The following RIPK2 variants were observed in gnomAD, a reference collection of about 807,000 sequenced individuals.
The protein encoded by RIPK2 is receptor-interacting serine/threonine-protein kinase 2.
A neutral mutation model predicts 60.9 loss-of-function variants in RIPK2; 38 were observed. That is an observed-to-expected ratio of 0.62 (90% confidence interval 0.48 to 0.82). RIPK2 has a LOEUF of 0.82. RIPK2 is among the 40% of genes least tolerant of loss of function. RIPK2 has a pLI of 0.00. For missense variants in RIPK2, 518 were observed against 647.0 expected (o/e 0.80, Z 2.16); for synonymous variants, 225 against 223.4 (o/e 1.01, Z -0.06).
chr8:89,786,544 G>A, intron 8 of RIPK2, 49 bp from the exon 9 acceptor site: 1 of 1,017,796 alleles, frequency 9.8e-7, no homozygotes, highest in South Asian at 1.4e-5. Flanking sequence ...AGAAATTAAA[G>A]CTCGATAATT....
intron 3 of RIPK2, among the ~76,000 whole-genome samples, chr8:89,768,918 A>G (rs998512593): frequency 6.6e-6 from 1 of 151,800 alleles, no homozygotes; most frequent in Admixed American, 6.6e-5. Context: ...GCTGAATTCT[A>G]AAGTATGCAG....
At chr8:89,781,846 C>A (rs184298771) in intron 7 of RIPK2, among the ~76,000 whole-genome samples, 1 of 152,118 alleles carries the variant, frequency 6.6e-6, no homozygotes, top group Non-Finnish European at 1.5e-5. Flanking sequence ...AATATATTAA[C>A]AATAACCGAT....
chr8:89,765,480 A>G lies in RIPK2; in HGVS notation c.467A>G (p.Asn156Ser). 1 of 1,577,448 alleles carries G rather than the reference A, an allele frequency of 6.3e-7. No individual in the cohort carries two copies. The highest frequency in any genetic ancestry group is 1.1e-5 in the South Asian group (1 of 88,924). Residue 156 changes from asparagine (N) to serine (S), a missense_variant, in exon 3 of 11, where the codon AAT becomes AGT. By Grantham distance (46) the Asn-to-Ser change is conservative. Transcript: ENST00000220751. Reference protein sequence around the residue: ...DLKTQNILLDNEFHVKIADFG... With the variant: ...DLKTQNILLDSEFHVKIADFG... ...AAGACTCAGAATATCTTATTGGACA[A>G]TGAATTTCATGTTAAGGTAATTACT...
intron 9 of RIPK2, 100 bp downstream of exon 9, chr8:89,786,786 G>T: frequency 1.4e-6 from 1 of 720,610 alleles, no homozygotes; most frequent in Non-Finnish European, 2.5e-6. Context: ...ACTTTAATTT[G>T]CATATATAAC....
At chr8:89,770,619 A>C (rs986901744) in intron 4 of RIPK2, among the ~76,000 whole-genome samples, 1 of 151,794 alleles carries the variant, frequency 6.6e-6, no homozygotes, top group Non-Finnish European at 1.5e-5. Context: ...CAGACTCTCT[A>C]AGTTTGCTCT....
intron 7 of RIPK2, among the ~76,000 whole-genome samples, chr8:89,781,395 C>T (rs1193622171): frequency 3.7e-5 from 5 of 134,750 alleles, no homozygotes; most frequent in African/African-American, 1.7e-4. Context: ...AAGACAGGGT[C>T]TCCCTCTGTC....
Position 89,780,086 on chromosome 8 carries a change from GAACTT to G in RIPK2, c.866_870del (p.Glu289GlyfsTer8). The G allele has an allele frequency of 6.5e-7, 1 of 1,532,952 alleles. No homozygotes were observed. The highest frequency in any genetic ancestry group is 8.9e-7 in the Non-Finnish European group (1 of 1,119,960). The allele number at this position is 1,532,952 out of a possible 1,614,324, so 95.0% of individuals were successfully genotyped here. A position where few individuals can be genotyped will look rare whatever the true frequency, so the allele number is the denominator to read the frequency against. On this transcript the variant is annotated frameshift_variant, in exon 7 of 11. Transcript: ENST00000220751. LOFTEE classifies it high-confidence loss of function. ...TTTCTCTTATGTAGAATGTTTAATA[GAACTT>G]GAACCAGTTTTGAGAACATTTGAAG... is the stretch of plus-strand genomic sequence containing the variant.
chr8:89,772,924 A>T (rs765140226), intron 6 of RIPK2, 96 bp downstream of exon 6: 32 of 739,056 alleles, frequency 4.3e-5, no homozygotes, highest in Non-Finnish European at 5.4e-5. Context: ...AAATTAGATG[A>T]CTAGCTAGAA....
Position 89,789,487 on chromosome 8 carries a change from A to G in RIPK2, c.1285+5A>G. 6.2e-7 allele frequency: 1 copy of G among 1,612,250 alleles called. No individual in the cohort carries two copies. Among genetic ancestry groups the G allele is most frequent in the Non-Finnish European group, 8.5e-7 (1 of 1,179,434 alleles). ...TCTCAACTGCAGGAAACTCAGGTAA[A>G]TATTTACTGTGAAACACCTTGTAAG... is the stretch of plus-strand genomic sequence containing the variant. On this transcript the variant is annotated splice_donor_5th_base_variant and intron_variant, in intron 10 of 10. Transcript: ENST00000220751.
intron 7 of RIPK2, among the ~76,000 whole-genome samples, chr8:89,781,676 A>C (rs1014764140): frequency 6.6e-6 from 1 of 152,178 alleles, no homozygotes; most frequent in Non-Finnish European, 1.5e-5. Context: ...GTCTTCCCTT[A>C]TGCATGGGAG....
At chr8:89,760,112 GC>G (rs1809120646) in intron 1 of RIPK2, among the ~76,000 whole-genome samples, 1 of 152,146 alleles carries the variant, frequency 6.6e-6, no homozygotes, top group South Asian at 2.1e-4. Flanking sequence ...ATTAGATGAG[GC>G]TATGCAGTTG....
chr8:89,787,695 T>C (rs1809609093), intron 9 of RIPK2, among the ~76,000 whole-genome samples: 1 of 152,208 alleles, frequency 6.6e-6, no homozygotes, highest in Non-Finnish European at 1.5e-5. Context: ...ATTTGGACTT[T>C]TTTACTTGAG....
intron 1 of RIPK2, among the ~76,000 whole-genome samples, chr8:89,761,395 A>T (rs1809142758): frequency 6.6e-6 from 1 of 151,960 alleles, no homozygotes; most frequent in African/African-American, 2.4e-5. Context: ...TTAACCCCCT[A>T]CAGTCAGTCA....
intron 1 of RIPK2, 80 bp downstream of exon 1, chr8:89,758,313 CCCAAATGGCAGTGA>C: frequency 1.4e-6 from 2 of 1,413,770 alleles, no homozygotes; most frequent in Non-Finnish European, 1.9e-6. Flanking sequence ...GGCTCTAGAG[CCCAAATGGCAGTGA>C]CCGCTTGGGG....
Position 89,771,755 on chromosome 8 carries a change from C to G in RIPK2, c.656C>G (p.Thr219Arg). ...KHDIYSYAVI[T>R]WEVLSRKQPF... ...ATGTTAAACAGCTATGCAGTTATCA[C>G]ATGGGAAGTGTTATCCAGAAAACAG... The change falls in exon 5 of 11, where the codon ACA (threonine) becomes AGA (arginine). Residue 219 changes from threonine to arginine, a missense_variant. Coordinates refer to ENST00000220751, the MANE Select transcript of RIPK2 (RefSeq NM_003821.6). 1 of 1,604,978 alleles carries G rather than the reference C, an allele frequency of 6.2e-7. No homozygotes were observed. Among genetic ancestry groups the G allele is most frequent in the Non-Finnish European group, 8.5e-7 (1 of 1,174,098 alleles).
At chr8:89,781,770 A>G (rs1156617774) in intron 7 of RIPK2, among the ~76,000 whole-genome samples, 3 of 152,184 alleles carry the variant, frequency 2.0e-5, no homozygotes, top group Non-Finnish European at 4.4e-5. Context: ...CCTATCATAC[A>G]TACATACTTA....
At position 89,790,557 on chromosome 8, in the gene RIPK2, C is replaced by T; in HGVS notation, c.*141C>T. 1.8e-6 allele frequency: 1 copy of T among 566,124 alleles called. No individual in the cohort carries two copies. The highest frequency in any genetic ancestry group is 3.5e-5 in the Admixed American group (1 of 28,758). The allele number at this position is 566,124 out of a possible 1,614,324, so 35.1% of individuals were successfully genotyped here. A position where few individuals can be genotyped will look rare whatever the true frequency, so the allele number is the denominator to read the frequency against. On this transcript the variant is annotated 3_prime_UTR_variant, in exon 11 of 11. Transcript: ENST00000220751. ...TAAATATTAGTCTCCCTCCATGACA[C>T]TGCAGTATTTTTTTTAATTAATACA...
At chr8:89,782,030 C>A (rs1338019179) in intron 7 of RIPK2, among the ~76,000 whole-genome samples, 1 of 152,122 alleles carries the variant, frequency 6.6e-6, no homozygotes, top group Non-Finnish European at 1.5e-5. Context: ...GTGGCACATG[C>A]CTGTAGTCGT....
In RIPK2 at chr8:89,790,988, C is replaced by G. The variant is rs1809669166; in HGVS notation, c.*572C>G. On this transcript the variant is annotated 3_prime_UTR_variant, in exon 11 of 11. Coordinates refer to ENST00000220751, the MANE Select transcript of RIPK2 (RefSeq NM_003821.6). ...AAATAAATATATTAATACCGGCTTC[C>G]TGTCCCCATTTTTAACCTCAGCCTT... The G allele has an allele frequency of 6.6e-6, 1 of 152,114 alleles. No homozygotes were observed. The highest frequency in any genetic ancestry group is 2.4e-5 in the African/African-American group (1 of 41,428). 9.4% of individuals were successfully genotyped at this position (152,114 alleles called of 1,614,324 possible).
Sources: gnomAD v4.1 joint callset for allele counts (sites outside exome capture counted in the v4.1 genomes callset) on GRCh38, gnomAD v4.1.1 for gene constraint, MANE v1.5 for transcripts, NCBI Gene and HGNC (gene_info 2026-07-23, HGNC 2026-07-21) for gene names.